Variants in ASIC2 observed in about 807,000 individuals in gnomAD.
The protein encoded by ASIC2 is acid-sensing ion channel 2.
In ASIC2, 25 loss-of-function variants were observed where a neutral mutation model predicts 57.3. That is an observed-to-expected ratio of 0.44 (90% CI 0.32 to 0.61). The LOEUF (loss-of-function observed/expected upper bound fraction) is 0.61, where lower values mean the gene tolerates loss of function less well. ASIC2 is among the 20% of genes least tolerant of loss of function. The pLI is 0.06. For synonymous variants in ASIC2, 319 were observed against 307.5 expected, an observed-to-expected ratio of 1.04 and a Z score of -0.39; for missense variants, 641 against 738.1, an observed-to-expected ratio of 0.87 and a Z score of 1.52.
intron 3 of ASIC2, among the ~76,000 whole-genome samples, chr17:33,072,418 G>A (rs1043605468): frequency 1.3e-4 from 19 of 151,908 alleles, no homozygotes; most frequent in Admixed American, 1.2e-3. Flanking sequence ...GCCATCATTC[G>A]TCCAGGCCAT....
intron 3 of ASIC2, among the ~76,000 whole-genome samples, chr17:33,055,399 G>C (rs974753192): frequency 6.6e-6 from 1 of 152,088 alleles, no homozygotes; most frequent in Non-Finnish European, 1.5e-5. Context: ...GGTTACCAAG[G>C]GCCTCTGGGG....
chr17:34,103,529 C>T (rs931576362), intron 1 of ASIC2, among the ~76,000 whole-genome samples: 1 of 151,934 alleles, frequency 6.6e-6, no homozygotes, highest in African/African-American at 2.4e-5. Flanking sequence ...TTTGTCTTAA[C>T]ATTTTTCGTT....
At chr17:33,326,936 C>G (rs1313970393) in intron 1 of ASIC2, among the ~76,000 whole-genome samples, 2 of 152,170 alleles carry the variant, frequency 1.3e-5, no homozygotes, top group African/African-American at 4.8e-5. Context: ...ACTCATCTCC[C>G]AAGTGCTTGC....
intron 1 of ASIC2, among the ~76,000 whole-genome samples, chr17:33,861,359 C>T (rs762478815): frequency 7.9e-5 from 12 of 152,012 alleles, no homozygotes; most frequent in Non-Finnish European, 1.5e-4. Flanking sequence ...CTTTTTTTCA[C>T]ATTTATACAG....
At chr17:33,505,165 G>A (rs1185704115) in intron 1 of ASIC2, among the ~76,000 whole-genome samples, 1 of 152,118 alleles carries the variant, frequency 6.6e-6, no homozygotes, top group Non-Finnish European at 1.5e-5. Flanking sequence ...GGGCACGTGA[G>A]CAGTAGTCCT....
intron 3 of ASIC2, among the ~76,000 whole-genome samples, chr17:33,032,206 C>T (rs73984928): frequency 0.018 from 2,674 of 152,128 alleles, 74 homozygotes; most frequent in African/African-American, 0.061. Context: ...TCTTCTGACT[C>T]TTTTTGGGTT....
chr17:33,958,335 G>T (rs995480260), intron 1 of ASIC2, among the ~76,000 whole-genome samples: 1 of 152,198 alleles, frequency 6.6e-6, no homozygotes, highest in African/African-American at 2.4e-5. Context: ...TGTGTGGGGG[G>T]TCTAACCTCA....
At chr17:34,103,139 T>C (rs1392122655) in intron 1 of ASIC2, among the ~76,000 whole-genome samples, 1 of 152,196 alleles carries the variant, frequency 6.6e-6, no homozygotes, top group Non-Finnish European at 1.5e-5. Flanking sequence ...TTTGTTTCTT[T>C]TGATTTTTTG....
intron 1 of ASIC2, among the ~76,000 whole-genome samples, chr17:33,732,295 C>T (rs886089504): frequency 6.6e-6 from 1 of 152,170 alleles, no homozygotes; most frequent in Non-Finnish European, 1.5e-5. Flanking sequence ...AGGAGTCATT[C>T]AGACTTTTCT....
intron 1 of ASIC2, among the ~76,000 whole-genome samples, chr17:33,612,080 G>A (rs1905428064): frequency 6.6e-6 from 1 of 152,204 alleles, no homozygotes; most frequent in Non-Finnish European, 1.5e-5. Context: ...ATGAAACAGA[G>A]AGAAGGAATT....
chr17:33,119,503 G>A (rs1002402790), intron 1 of ASIC2, among the ~76,000 whole-genome samples: 1 of 152,196 alleles, frequency 6.6e-6, no homozygotes, highest in African/African-American at 2.4e-5. Context: ...AATGAACCTG[G>A]CTCTTGTTTT....
At chr17:33,573,652 G>T (rs990427935) in intron 1 of ASIC2, among the ~76,000 whole-genome samples, 5 of 152,070 alleles carry the variant, frequency 3.3e-5, no homozygotes, top group African/African-American at 1.2e-4. Context: ...TGCAACTTCT[G>T]GCTCCCAGGT....
chr17:33,345,052 T>G (rs1347002883), intron 1 of ASIC2, among the ~76,000 whole-genome samples: 6 of 152,210 alleles, frequency 3.9e-5, no homozygotes, highest in African/African-American at 1.2e-4. Context: ...CTGGAACTCC[T>G]GACTACCAAA....
intron 1 of ASIC2, among the ~76,000 whole-genome samples, chr17:33,783,876 T>C (rs1388395021): frequency 2.0e-5 from 3 of 152,236 alleles, no homozygotes; most frequent in South Asian, 4.1e-4. Context: ...CCATTTAGGA[T>C]GCTCCATTTA....
intron 1 of ASIC2, chr17:34,082,075 T>G (rs189567168): frequency 6.6e-6 from 1 of 152,332 alleles, no homozygotes; most frequent in East Asian, 1.9e-4. Flanking sequence ...CTACCTAGGA[T>G]GCCCTCATAC....
chr17:33,786,357 G>T (rs1439094810), intron 1 of ASIC2, among the ~76,000 whole-genome samples: 1 of 152,002 alleles, frequency 6.6e-6, no homozygotes, highest in African/African-American at 2.4e-5. Flanking sequence ...TGAGCTCCAA[G>T]TACAAGTCGA....
intron 1 of ASIC2, among the ~76,000 whole-genome samples, chr17:33,593,604 G>A (rs938745886): frequency 2.6e-5 from 4 of 152,180 alleles, no homozygotes; most frequent in African/African-American, 9.7e-5. Context: ...GCAGCTTCCC[G>A]TAGGGTTACT....
chr17:33,272,629 G>C (rs12601597), intron 1 of ASIC2, among the ~76,000 whole-genome samples: 57,820 of 151,906 alleles, frequency 0.38, 11,115 homozygotes, highest in Admixed American at 0.43. Context: ...TCGTCATCGT[G>C]AGCATCATCA....
chr17:33,172,804 G>A (rs1189127110), intron 1 of ASIC2, among the ~76,000 whole-genome samples: 1 of 152,186 alleles, frequency 6.6e-6, no homozygotes, highest in Admixed American at 6.5e-5. Context: ...GGCTTACTCT[G>A]GTCCTCCTGA....
Sources: allele counts gnomAD v4.1 joint callset (sites outside exome capture counted in the v4.1 genomes callset), GRCh38; gene constraint gnomAD v4.1.1; transcripts MANE v1.5; gene names NCBI Gene and HGNC (gene_info 2026-07-23, HGNC 2026-07-21).